The following CHST10 variants were observed in gnomAD, a reference collection of about 807,000 sequenced individuals.
The protein encoded by CHST10 is HNK-1 sulfotransferase.
Under a neutral mutation model 34.7 loss-of-function variants are expected in CHST10, and 24 were observed. The ratio of observed to expected loss-of-function variants is 0.69; its 90% CI spans 0.50 to 0.97. CHST10 has a LOEUF of 0.97. Ranked by LOEUF, CHST10 falls within the 50% of genes least tolerant of loss-of-function variation. The pLI is 0.00. For synonymous variants in CHST10, 161 were observed against 169.3 expected (o/e 0.95, Z 0.38); for missense variants, 402 against 452.1 (o/e 0.89, Z 1.00).
At chr2:100,411,833 A>G (rs1017389556) in intron 2 of CHST10, among the ~76,000 whole-genome samples, 13 of 152,174 alleles carry the variant, frequency 8.5e-5, no homozygotes, top group African/African-American at 3.1e-4. Context: ...GGGAGAAAAT[A>G]CAATGGGATG....
intron 3 of CHST10, among the ~76,000 whole-genome samples, chr2:100,404,461 C>T (rs1206626357): frequency 1.3e-5 from 2 of 152,170 alleles, no homozygotes; most frequent in East Asian, 1.9e-4. Context: ...GTGTAAAATC[C>T]GAAAGCCCTT....
In CHST10 at chr2:100,401,081, T is replaced by C. The variant is rs17024207; in HGVS notation, c.192+1483A>G. ...TGAGTTTTGGTGTCACCTAACGGCATGTGGCCTCAGCGGACATCACCTCTG... is the reference window on the plus strand; with the variant it reads ...TGAGTTTTGGTGTCACCTAACGGCACGTGGCCTCAGCGGACATCACCTCTG... On this transcript the variant is annotated intron_variant, in intron 4 of 6. Coordinates refer to ENST00000264249, the MANE Select transcript of CHST10 (RefSeq NM_004854.5). 6.3e-3 allele frequency among the ~76,000 whole-genome samples: 956 copies of C among 152,338 alleles called. 17 individuals carry two copies. Among genetic ancestry groups the C allele is most frequent in the East Asian group, 0.046 (240 of 5,176 alleles).
At chr2:100,406,794 G>A (rs558311915) in intron 2 of CHST10, 87 bp from the exon 3 acceptor site, 1 of 1,523,856 alleles carries the variant, frequency 6.6e-7, no homozygotes, top group Non-Finnish European at 8.9e-7. Flanking sequence ...ATTTCAGTCA[G>A]TAAGTATCAG....
intron 4 of CHST10, among the ~76,000 whole-genome samples, 158 bp downstream of exon 4, chr2:100,402,406 T>G (rs961906376): frequency 1.1e-4 from 17 of 151,990 alleles, no homozygotes; most frequent in African/African-American, 3.9e-4. Context: ...CTCTCCCAAA[T>G]GGAAATTAAC....
At chr2:100,411,366 A>C (rs10176978) in intron 2 of CHST10, among the ~76,000 whole-genome samples, 24,700 of 151,786 alleles carry the variant, frequency 0.16, 4,634 homozygotes, top group African/African-American at 0.45. Flanking sequence ...CCTGCCTTGG[A>C]CTCTCAAAGT....
chr2:100,409,217 T>C (rs1240504816), intron 2 of CHST10, among the ~76,000 whole-genome samples: 1 of 152,072 alleles, frequency 6.6e-6, no homozygotes, highest in East Asian at 1.9e-4. Context: ...GTTTTTATAG[T>C]TTAAGAATCA....
chr2:100,405,394 G>A (rs768928012), intron 3 of CHST10, among the ~76,000 whole-genome samples: 21 of 152,324 alleles, frequency 1.4e-4, no homozygotes, highest in Non-Finnish European at 2.8e-4. Flanking sequence ...GAACCACCAT[G>A]TGGGCTAATT....
Position 100,397,977 on chromosome 2 carries a change from T to C in CHST10, c.358A>G (p.Lys120Glu). The C allele has an allele frequency of 2.5e-6, 4 of 1,614,144 alleles. No individual in the cohort carries two copies. Among genetic ancestry groups the C allele is most frequent in the Non-Finnish European group, 3.4e-6 (4 of 1,180,018 alleles). ...LDRIFVCDKH[K>E]ILFCQTPKVG... ...TTGGGAGTCTGGCAGAAAAGAATCT[T>C]GTGCTTGTCACAGACAAATATTCGG... Residue 120 changes from lysine (K) to glutamate (E), a missense_variant, in exon 5 of 7, where the codon AAG becomes GAG. Coordinates refer to ENST00000264249, the MANE Select transcript of CHST10 (RefSeq NM_004854.5).
chr2:100,413,412 C>A (rs1228824993), intron 2 of CHST10, among the ~76,000 whole-genome samples: 1 of 152,118 alleles, frequency 6.6e-6, no homozygotes, highest in East Asian at 1.9e-4. Flanking sequence ...GTCAAGATGT[C>A]AGGATCTGAA....
chr2:100,394,159 G>A (rs1352219735), intron 6 of CHST10, among the ~76,000 whole-genome samples: 9 of 152,142 alleles, frequency 5.9e-5, no homozygotes, highest in Non-Finnish European at 1.3e-4. Flanking sequence ...GGAACTCTGA[G>A]TCAGGAATAG....
intron 4 of CHST10, among the ~76,000 whole-genome samples, chr2:100,401,779 T>C (rs892333064): frequency 2.6e-5 from 4 of 152,200 alleles, no homozygotes; most frequent in Non-Finnish European, 5.9e-5. Flanking sequence ...ATGTTTTCTA[T>C]GTTTATTGAG....
At chr2:100,406,000 C>T (rs1675554179) in intron 3 of CHST10, among the ~76,000 whole-genome samples, 1 of 152,220 alleles carries the variant, frequency 6.6e-6, no homozygotes, top group African/African-American at 2.4e-5. Context: ...ATGACAAGAG[C>T]ACGAAGTAGA....
At chr2:100,402,493 G>GGGAA in intron 4 of CHST10, 71 bp downstream of exon 4, 4 of 1,259,804 alleles carry the variant, frequency 3.2e-6, no homozygotes. Flanking sequence ...CCAGCCACAG[G>GGGAA]GGAAGGCCAG....
chr2:100,402,146 C>T (rs934018505), intron 4 of CHST10, among the ~76,000 whole-genome samples: 3 of 152,230 alleles, frequency 2.0e-5, no homozygotes, highest in Admixed American at 2.0e-4. Context: ...AGGCTCAGTT[C>T]TCTCATCCAT....
At chr2:100,403,899 G>A (rs925722353) in intron 3 of CHST10, among the ~76,000 whole-genome samples, 11 of 152,204 alleles carry the variant, frequency 7.2e-5, no homozygotes, top group Non-Finnish European at 1.6e-4. Context: ...TCCAGGCTCC[G>A]GGACACACTC....
chr2:100,395,944 C>T lies in CHST10; in HGVS notation c.428-330G>A, dbSNP rs530695492. Among the ~76,000 whole-genome samples the T allele has an allele frequency of 3.3e-5, 5 of 152,282 alleles. No homozygotes were observed. The South Asian group carries it at 6.2e-4, about 19-fold the overall frequency. On this transcript the variant is annotated intron_variant, in intron 5 of 6. Transcript: ENST00000264249. ...GCTAAATCTGCCATTAGAGGAAGAT[C>T]GCTGCATGCAAACAGAACTCCTAAC...
At chr2:100,409,262 G>A (rs1675717508) in intron 2 of CHST10, among the ~76,000 whole-genome samples, 1 of 152,136 alleles carries the variant, frequency 6.6e-6, no homozygotes, top group Non-Finnish European at 1.5e-5. Context: ...CTGAAGGAAT[G>A]TAATATGATT....
At chr2:100,402,508 C>G (rs374772911) in intron 4 of CHST10, 56 bp downstream of exon 4, 1 of 1,477,560 alleles carries the variant, frequency 6.8e-7, no homozygotes. Flanking sequence ...GGCCAGCTCC[C>G]CGCGACAAGG....
intron 6 of CHST10, among the ~76,000 whole-genome samples, chr2:100,394,367 C>T (rs145131130): frequency 4.6e-5 from 7 of 152,252 alleles, no homozygotes; most frequent in African/African-American, 1.4e-4. Flanking sequence ...ATGACAAAGA[C>T]GATGACAACA....
Sources: allele counts gnomAD v4.1 joint callset (sites outside exome capture counted in the v4.1 genomes callset), GRCh38; gene constraint gnomAD v4.1.1; transcripts MANE v1.5; gene names NCBI Gene and HGNC (gene_info 2026-07-23, HGNC 2026-07-21).